The following DPF3 variants were observed in gnomAD, a reference collection of about 807,000 sequenced individuals.
DPF3 encodes double PHD fingers 3, also known as zinc finger protein DPF3.
Under a neutral mutation model 56.8 loss-of-function variants are expected in DPF3, and 18 were observed. The observed-to-expected ratio is 0.32, with a 90% CI of 0.22 to 0.47. The LOEUF is 0.47. Ranked by LOEUF, DPF3 falls within the 20% of genes least tolerant of loss-of-function variation. DPF3 has a pLI of 1.00. For synonymous variants in DPF3, 188 were observed against 180.2 expected, an observed-to-expected ratio of 1.04 and a Z score of -0.35; for missense variants, 403 against 488.8, an observed-to-expected ratio of 0.82 and a Z score of 1.65.
chr14:72,783,582 C>T (rs1353057917), intron 1 of DPF3, among the ~76,000 whole-genome samples: 1 of 152,216 alleles, frequency 6.6e-6, no homozygotes, highest in Non-Finnish European at 1.5e-5. Flanking sequence ...GTCAGTGGCA[C>T]AGTCCACAGT....
intron 1 of DPF3, among the ~76,000 whole-genome samples, chr14:72,859,902 A>G: frequency 6.6e-6 from 1 of 151,618 alleles, no homozygotes; most frequent in East Asian, 1.9e-4. Flanking sequence ...GAAAGACATG[A>G]TCTAGTGCCA....
At chr14:72,785,250 A>T (rs1892161878) in intron 1 of DPF3, among the ~76,000 whole-genome samples, 1 of 152,232 alleles carries the variant, frequency 6.6e-6, no homozygotes, top group Admixed American at 6.5e-5. Context: ...AGCATTTACT[A>T]TGTGTGCCAG....
chr14:72,775,552 TG>T (rs1404803770), intron 1 of DPF3, among the ~76,000 whole-genome samples: 3 of 152,208 alleles, frequency 2.0e-5, no homozygotes, highest in Admixed American at 2.0e-4. Context: ...TAACATGCAA[TG>T]TTATTAGTTA....
intron 1 of DPF3, among the ~76,000 whole-genome samples, chr14:72,815,392 C>G (rs1359771256): frequency 6.6e-6 from 1 of 152,374 alleles, no homozygotes; most frequent in East Asian, 1.9e-4. Flanking sequence ...TGTGGGAATG[C>G]TAACTGGTAC....
At chr14:72,746,113 C>A (rs1433723389) in intron 3 of DPF3, among the ~76,000 whole-genome samples, 1 of 152,250 alleles carries the variant, frequency 6.6e-6, no homozygotes, top group East Asian at 1.9e-4. Flanking sequence ...GGGGCACCAC[C>A]CTCCACTTTT....
At chr14:72,651,487 G>C (rs1885906510) in intron 8 of DPF3, among the ~76,000 whole-genome samples, 1 of 152,242 alleles carries the variant, frequency 6.6e-6, no homozygotes, top group African/African-American at 2.4e-5. Context: ...TCTCTAAGAA[G>C]TGCTCCTGTG....
At chr14:72,692,954 CA>C in intron 7 of DPF3, 121 bp downstream of exon 7, 1 of 1,518,018 alleles carries the variant, frequency 6.6e-7, no homozygotes, top group South Asian at 1.3e-5. Flanking sequence ...CACTACAGCA[CA>C]TTGAGACCAC....
intron 3 of DPF3, among the ~76,000 whole-genome samples, chr14:72,749,490 G>T (rs959740563): frequency 2.0e-5 from 3 of 152,236 alleles, no homozygotes; most frequent in Non-Finnish European, 4.4e-5. Flanking sequence ...AACGAGTTGA[G>T]ACTTTGGAAG....
intron 2 of DPF3, among the ~76,000 whole-genome samples, chr14:72,770,760 A>C (rs1375903979): frequency 6.6e-6 from 1 of 152,250 alleles, no homozygotes; most frequent in Admixed American, 6.5e-5. Context: ...CATTTTTAAA[A>C]ACATATCCAG....
At chr14:72,763,161 A>G (rs1424308296) in intron 2 of DPF3, among the ~76,000 whole-genome samples, 1 of 152,084 alleles carries the variant, frequency 6.6e-6, no homozygotes, top group South Asian at 2.1e-4. Context: ...CTCAATACTG[A>G]AAATTGTCAA....
intron 6 of DPF3, among the ~76,000 whole-genome samples, chr14:72,703,279 G>C (rs1343044043): frequency 6.6e-6 from 1 of 152,040 alleles, no homozygotes. Flanking sequence ...ACAGGGGATT[G>C]GGGGTAGGGG....
chr14:72,856,921 C>T (rs1885191772), intron 1 of DPF3, among the ~76,000 whole-genome samples: 1 of 152,160 alleles, frequency 6.6e-6, no homozygotes, highest in Non-Finnish European at 1.5e-5. Context: ...AGGAGTTCAC[C>T]GGGAAGTGCC....
Position 72,670,598 on chromosome 14 carries a change from T to G in DPF3, c.871+3642A>C, listed in dbSNP as rs1187396517. The G allele has an allele frequency of 3.0e-6, 3 of 988,268 alleles. No homozygotes were observed. The South Asian group carries it at 1.4e-4, about 46-fold the overall frequency. 61.2% of individuals were successfully genotyped at this position (988,268 alleles called of 1,614,324 possible). ...AATTCTCCCCACCGGGCGGCTTGCC[T>G]CTAAACAGGATATTGCTTCGATTTC... On this transcript the variant is annotated intron_variant, in intron 8 of 10. Coordinates refer to ENST00000556509, the MANE Select transcript of DPF3 (RefSeq NM_001280542.3).
intron 9 of DPF3, among the ~76,000 whole-genome samples, chr14:72,620,226 T>C (rs1884345072): frequency 6.6e-6 from 1 of 152,182 alleles, no homozygotes; most frequent in African/African-American, 2.4e-5. Flanking sequence ...GCTCAACTCG[T>C]ACCTCCTCCA....
chr14:72,796,518 T>C (rs1268068959), intron 1 of DPF3, among the ~76,000 whole-genome samples: 3 of 152,056 alleles, frequency 2.0e-5, no homozygotes, highest in Non-Finnish European at 4.4e-5. Flanking sequence ...AATAAATAAA[T>C]AAATAAATGG....
chr14:72,819,581 A>G (rs1278480428), intron 1 of DPF3, among the ~76,000 whole-genome samples: 1 of 152,234 alleles, frequency 6.6e-6, no homozygotes, highest in Non-Finnish European at 1.5e-5. Flanking sequence ...CTGCTAATGT[A>G]CACAACAATG....
chr14:72,828,499 C>A (rs1305036276), intron 1 of DPF3, among the ~76,000 whole-genome samples: 3 of 136,076 alleles, frequency 2.2e-5, no homozygotes, highest in Non-Finnish European at 4.6e-5. Context: ...GATGGTGCCA[C>A]TGCACTGCAG....
intron 1 of DPF3, among the ~76,000 whole-genome samples, chr14:72,801,486 T>G (rs1892889944): frequency 6.6e-6 from 1 of 152,234 alleles, no homozygotes; most frequent in Non-Finnish European, 1.5e-5. Flanking sequence ...AACCACACTG[T>G]GCACTCTTCA....
At chr14:72,706,606 G>A (rs549880458) in intron 6 of DPF3, among the ~76,000 whole-genome samples, 13 of 152,154 alleles carry the variant, frequency 8.5e-5, no homozygotes, top group East Asian at 5.8e-4. Flanking sequence ...ATAACAAGCA[G>A]CAGAACCACT....
Sources: allele counts gnomAD v4.1 joint callset (sites outside exome capture counted in the v4.1 genomes callset), GRCh38; gene constraint gnomAD v4.1.1; transcripts MANE v1.5; gene names NCBI Gene and HGNC (gene_info 2026-07-23, HGNC 2026-07-21).